TBC1D5: variants seen among roughly 807,000 people sequenced by gnomAD.
TBC1D5 encodes the protein TBC1 domain family, member 5.
A neutral mutation model predicts 100.3 loss-of-function variants in TBC1D5; 75 were observed. The observed-to-expected ratio is 0.75, with a 90% CI of 0.62 to 0.91. The LOEUF (loss-of-function observed/expected upper bound fraction) is 0.91, where lower values mean the gene tolerates loss of function less well. Among genes scored for constraint, TBC1D5 ranks in the 40% least tolerant of loss-of-function variants. The pLI is 0.00. For synonymous variants in TBC1D5, 323 were observed against 325.6 expected (o/e 0.99, Z 0.09); for missense variants, 910 against 942.4 (o/e 0.97, Z 0.45).
At chr3:17,593,561 C>T (rs1047984670) in intron 2 of TBC1D5, among the ~76,000 whole-genome samples, 15 of 152,184 alleles carry the variant, frequency 9.9e-5, no homozygotes, top group African/African-American at 3.6e-4. Context: ...GGAACAGACA[C>T]TTACTCCGCT....
intron 1 of TBC1D5, among the ~76,000 whole-genome samples, chr3:17,647,483 C>T (rs2065116577): frequency 8.7e-6 from 1 of 115,398 alleles, no homozygotes; most frequent in Non-Finnish European, 1.9e-5. Flanking sequence ...ACCTCCCTGA[C>T]AAGGTGACAC....
intron 13 of TBC1D5, among the ~76,000 whole-genome samples, chr3:17,310,701 C>T (rs1306563822): frequency 6.6e-6 from 1 of 151,880 alleles, no homozygotes; most frequent in African/African-American, 2.4e-5. Context: ...GAAAAAAATA[C>T]CAAAACCACA....
At chr3:17,198,279 C>T (rs2070990435) in intron 18 of TBC1D5, among the ~76,000 whole-genome samples, 1 of 152,142 alleles carries the variant, frequency 6.6e-6, no homozygotes, top group Admixed American at 6.5e-5. Flanking sequence ...CCCCTCCAAC[C>T]CAATCTACAG....
intron 3 of TBC1D5, among the ~76,000 whole-genome samples, chr3:17,475,467 T>A (rs561563244): frequency 9.4e-4 from 143 of 152,258 alleles, no homozygotes; most frequent in African/African-American, 3.3e-3. Context: ...GTAAATGTTA[T>A]CACCTCTCTA....
At chr3:17,694,217 A>C (rs1206060250) in intron 1 of TBC1D5, among the ~76,000 whole-genome samples, 2 of 152,250 alleles carry the variant, frequency 1.3e-5, no homozygotes, top group African/African-American at 4.8e-5. Context: ...CCTTGCCAGC[A>C]ATGGAATAAA....
chr3:17,661,206 G>C (rs1560402364), intron 1 of TBC1D5, among the ~76,000 whole-genome samples: 1 of 152,178 alleles, frequency 6.6e-6, no homozygotes, highest in Non-Finnish European at 1.5e-5. Flanking sequence ...CGCTCAATCA[G>C]AAGCCAGATT....
At chr3:17,264,871 G>A (rs1198304532) in intron 15 of TBC1D5, among the ~76,000 whole-genome samples, 1 of 152,188 alleles carries the variant, frequency 6.6e-6, no homozygotes, top group African/African-American at 2.4e-5. Context: ...TGACAGACAT[G>A]AATCAGAGGG....
Position 17,506,878 on chromosome 3 carries a change from AAGTGGCAGCCGCCTGTAGTCCC to A in TBC1D5, c.97+1574_97+1595del, listed in dbSNP as rs1219683497. Among the ~76,000 whole-genome samples, 4 of 152,022 alleles carry A rather than the reference AAGTGGCAGCCGCCTGTAGTCCC, an allele frequency of 2.6e-5. No homozygotes were observed. In the South Asian group the frequency reaches 8.3e-4, roughly 31 times the overall value. On this transcript the variant is annotated intron_variant, in intron 3 of 21. Coordinates refer to ENST00000253692, the Ensembl canonical transcript of TBC1D5. ...AAAACACAAAAAAATTAGCCAGGCGAAGTGGCAGCCGCCTGTAGTCCCAGCTACTTGGGAGGCTGAGGCAGGA... is the reference window on the plus strand; with the variant it reads ...AAAACACAAAAAAATTAGCCAGGCGAAGCTACTTGGGAGGCTGAGGCAGGA...
chr3:17,484,638 A>G (rs921395985), intron 3 of TBC1D5, among the ~76,000 whole-genome samples: 2 of 151,966 alleles, frequency 1.3e-5, no homozygotes, highest in Non-Finnish European at 2.9e-5. Context: ...GTATGCCATT[A>G]TGCTTGGCTA....
chr3:17,354,775 TAGA>T (rs141270717), intron 13 of TBC1D5, among the ~76,000 whole-genome samples: 13,061 of 151,910 alleles, frequency 0.086, 1,257 homozygotes, highest in African/African-American at 0.24. Flanking sequence ...TTTTGTTTCC[TAGA>T]AGAAGTCAAA....
intron 15 of TBC1D5, among the ~76,000 whole-genome samples, chr3:17,276,381 A>G (rs1001302235): frequency 1.4e-4 from 21 of 152,112 alleles, no homozygotes; most frequent in African/African-American, 5.1e-4. Context: ...AAACACCTAG[A>G]CCCTAACAGC....
chr3:17,600,245 A>C (rs1316948210), intron 2 of TBC1D5, among the ~76,000 whole-genome samples: 2 of 149,176 alleles, frequency 1.3e-5, no homozygotes, highest in African/African-American at 5.0e-5. Flanking sequence ...ATGTTATGTT[A>C]ATAACGGAGG....
chr3:17,276,852 T>A (rs1343226205), intron 15 of TBC1D5, among the ~76,000 whole-genome samples: 1 of 152,206 alleles, frequency 6.6e-6, no homozygotes, highest in Non-Finnish European at 1.5e-5. Flanking sequence ...ACATGCCACC[T>A]GCATCCCTGA....
intron 15 of TBC1D5, 82 bp downstream of exon 15, chr3:17,291,813 A>G: frequency 7.6e-7 from 1 of 1,310,390 alleles, no homozygotes; most frequent in Non-Finnish European, 1.1e-6. Context: ...CAAATTCCAC[A>G]TTTGGAATTC....
chr3:17,361,096 C>A (rs1024445308), intron 13 of TBC1D5, among the ~76,000 whole-genome samples: 1 of 151,976 alleles, frequency 6.6e-6, no homozygotes, highest in Non-Finnish European at 1.5e-5. Flanking sequence ...GTTTCTCAAA[C>A]CTCATATGTC....
At chr3:17,434,389 G>A (rs1384166658) in intron 3 of TBC1D5, among the ~76,000 whole-genome samples, 1 of 152,146 alleles carries the variant, frequency 6.6e-6, no homozygotes, top group Non-Finnish European at 1.5e-5. Context: ...CACACCCACA[G>A]GCCCAACACA....
chr3:17,541,477 G>T (rs969556296), intron 2 of TBC1D5, among the ~76,000 whole-genome samples: 4 of 151,596 alleles, frequency 2.6e-5, no homozygotes, highest in Admixed American at 2.0e-4. Context: ...CTTTTGTAAG[G>T]TCCTTTTCAG....
chr3:17,383,055 G>A (rs1429550092), intron 9 of TBC1D5, among the ~76,000 whole-genome samples: 1 of 151,884 alleles, frequency 6.6e-6, no homozygotes, highest in Admixed American at 6.6e-5. Context: ...GGTATTCTAT[G>A]TATATACAAT....
intron 1 of TBC1D5, among the ~76,000 whole-genome samples, chr3:17,693,310 G>A (rs2071450995): frequency 6.6e-6 from 1 of 152,240 alleles, no homozygotes; most frequent in Non-Finnish European, 1.5e-5. Flanking sequence ...CAAGGGGTCA[G>A]GGATTTCCCT....
Sources: gnomAD v4.1 joint callset for allele counts (sites outside exome capture counted in the v4.1 genomes callset) on GRCh38, gnomAD v4.1.1 for gene constraint, MANE v1.5 for transcripts, NCBI Gene and HGNC (gene_info 2026-07-23, HGNC 2026-07-21) for gene names.